Variants in POC1B observed in about 807,000 individuals in gnomAD.
POC1B encodes the protein POC1 centriolar protein homolog B.
POC1B carries 44 observed loss-of-function variants against 60.6 expected under a neutral mutation model. That is an observed-to-expected ratio of 0.73 (90% CI 0.57 to 0.93). The LOEUF is 0.93. POC1B is among the 40% of genes least tolerant of loss of function. POC1B has a pLI of 0.00. For synonymous variants in POC1B, 180 were observed against 198.9 expected (o/e 0.90, Z 0.80); for missense variants, 555 against 572.3 (o/e 0.97, Z 0.31).
At chr12:89,518,832 AC>A (rs979314387) in intron 2 of POC1B, among the ~76,000 whole-genome samples, 2 of 152,214 alleles carry the variant, frequency 1.3e-5, no homozygotes, top group African/African-American at 2.4e-5. Flanking sequence ...ATTTACAGGA[AC>A]TTTTAAGTGT....
chr12:89,502,189 T>A, intron 2 of POC1B: 1 of 1,152,108 alleles, frequency 8.7e-7, no homozygotes, highest in Non-Finnish European at 1.3e-6. Flanking sequence ...TTATTTAATG[T>A]CTGGAAAGAA....
intron 10 of POC1B, among the ~76,000 whole-genome samples, chr12:89,441,553 C>G (rs1248114255): frequency 6.6e-6 from 1 of 152,158 alleles, no homozygotes; most frequent in East Asian, 1.9e-4. Flanking sequence ...AGCTGAGGGT[C>G]CTGACTGTTA....
intron 4 of POC1B, among the ~76,000 whole-genome samples, chr12:89,482,966 C>G (rs1868427193): frequency 6.6e-6 from 1 of 151,290 alleles, no homozygotes; most frequent in Non-Finnish European, 1.5e-5. Flanking sequence ...CTCTTGTTGC[C>G]CAGGCTGGAG....
intron 10 of POC1B, among the ~76,000 whole-genome samples, chr12:89,452,482 C>T (rs1408144835): frequency 2.0e-5 from 3 of 151,840 alleles, no homozygotes; most frequent in Admixed American, 1.3e-4. Flanking sequence ...GGAGTAAGGA[C>T]AAGTTTCACT....
chr12:89,459,148 C>T (rs994315761), intron 10 of POC1B, among the ~76,000 whole-genome samples: 7 of 151,890 alleles, frequency 4.6e-5, no homozygotes, highest in Admixed American at 3.3e-4. Flanking sequence ...TGAAATGTTA[C>T]CTGGGTGGCA....
intron 10 of POC1B, among the ~76,000 whole-genome samples, chr12:89,444,265 A>T (rs1473957607): frequency 6.6e-6 from 1 of 152,228 alleles, no homozygotes; most frequent in African/African-American, 2.4e-5. Flanking sequence ...TGAGGACAGC[A>T]TCATCCTGAT....
At chr12:89,524,579 G>C (rs759287764) in intron 2 of POC1B, 4 of 1,608,446 alleles carry the variant, frequency 2.5e-6, no homozygotes, top group Non-Finnish European at 3.4e-6. Context: ...GCGCAGACGC[G>C]GCCACCAAGC....
At chr12:89,406,659 C>A in the POC1B span, among the ~76,000 whole-genome samples, 1 of 152,094 alleles carries the variant, frequency 6.6e-6, no homozygotes, top group African/African-American at 2.4e-5. Context: ...AGCATGAGAG[C>A]TGTGCCTTTG....
At chr12:89,510,168 G>A (rs1870110914) in intron 2 of POC1B, among the ~76,000 whole-genome samples, 4 of 152,018 alleles carry the variant, frequency 2.6e-5, no homozygotes, top group Admixed American at 2.6e-4. Flanking sequence ...TTTTTAACTG[G>A]GAGGCAATTA....
intron 4 of POC1B, among the ~76,000 whole-genome samples, chr12:89,473,722 T>C (rs1005927743): frequency 8.1e-5 from 12 of 147,840 alleles, no homozygotes; most frequent in African/African-American, 2.7e-4. Context: ...AAATTTTCCA[T>C]GCTGGGTAGT....
At chr12:89,467,271 C>T (rs552171934) in intron 8 of POC1B, among the ~76,000 whole-genome samples, 1 of 152,056 alleles carries the variant, frequency 6.6e-6, no homozygotes, top group South Asian at 2.1e-4. Flanking sequence ...CAGATAAATG[C>T]AGATTTGGTA....
chr12:89,471,202 G>T (rs1172949104), intron 6 of POC1B, among the ~76,000 whole-genome samples: 1 of 152,082 alleles, frequency 6.6e-6, no homozygotes, highest in Non-Finnish European at 1.5e-5. Context: ...TATAAACCAA[G>T]AAAATTCACT....
chr12:89,401,526 C>A, the POC1B span, among the ~76,000 whole-genome samples: 1 of 103,474 alleles, frequency 9.7e-6, no homozygotes, highest in East Asian at 3.0e-4. Flanking sequence ...TTTTCTTTTT[C>A]TTCTTCTTTA....
At chr12:89,496,955 A>G (rs1869280006) in intron 3 of POC1B, 2 of 530,174 alleles carry the variant, frequency 3.8e-6, no homozygotes, top group Admixed American at 3.2e-5. Context: ...AGACATATTA[A>G]GCATATTTCC....
rs143472046 is a variant in POC1B at position 89,476,492 on chromosome 12, G to A, written c.453-4217C>T. Among the ~76,000 whole-genome samples, 935 of 152,210 alleles carry A rather than the reference G, an allele frequency of 6.1e-3. 9 individuals are homozygous for A. The highest frequency in any genetic ancestry group is 0.021 in the African/African-American group (870 of 41,524). Reference sequence around the variant, plus strand: ...GGGAGGCTGAGGCAGGCAGATCATTGAGGCCATCAGTTTGAGACAAGCCTA... The same window carrying A: ...GGGAGGCTGAGGCAGGCAGATCATTAAGGCCATCAGTTTGAGACAAGCCTA... On this transcript the variant is annotated intron_variant, in intron 4 of 11. Coordinates refer to ENST00000313546, the MANE Select transcript of POC1B (RefSeq NM_172240.3).
chr12:89,508,415 T>C (rs1211352985), intron 2 of POC1B, among the ~76,000 whole-genome samples: 1 of 152,214 alleles, frequency 6.6e-6, no homozygotes. Flanking sequence ...TTTGGTAGCA[T>C]GTTTGTTAAT....
At chr12:89,523,451 G>A (rs532655878) in intron 2 of POC1B, 7 of 1,614,058 alleles carry the variant, frequency 4.3e-6, no homozygotes, top group African/African-American at 4.0e-5. Context: ...TATGGTGCCC[G>A]CTTGGGGAAC....
chr12:89,424,318 G>T (rs1381618090), intron 11 of POC1B, among the ~76,000 whole-genome samples: 2 of 152,202 alleles, frequency 1.3e-5, no homozygotes, highest in Non-Finnish European at 2.9e-5. Context: ...GTGAAAACCA[G>T]GTATATGTAC....
At chr12:89,480,444 T>C (rs1883279926) in intron 4 of POC1B, among the ~76,000 whole-genome samples, 1 of 150,956 alleles carries the variant, frequency 6.6e-6, no homozygotes, top group African/African-American at 2.4e-5. Context: ...TTTTTTTTTA[T>C]AGAGTCTCAC....
Sources: allele counts gnomAD v4.1 joint callset (sites outside exome capture counted in the v4.1 genomes callset), GRCh38; gene constraint gnomAD v4.1.1; transcripts MANE v1.5; gene names NCBI Gene and HGNC (gene_info 2026-07-23, HGNC 2026-07-21).